Variants in CSTPP1 observed in about 807,000 individuals in gnomAD.
The protein encoded by CSTPP1 is UPF0705 protein C11orf49.
the CSTPP1 span, chr11:47,159,899 G>A: frequency 2.8e-6 from 1 of 352,682 alleles, no homozygotes; most frequent in Non-Finnish European, 5.6e-6. Flanking sequence ...TGCTACTGGG[G>A]AGGCTGAGAC....
the CSTPP1 span, among the ~76,000 whole-genome samples, chr11:47,099,527 G>A: frequency 6.6e-6 from 1 of 152,304 alleles, no homozygotes; most frequent in African/African-American, 2.4e-5. Context: ...TTTTCCTAAA[G>A]TTGTATTCAG....
chr11:47,086,508 G>C, the CSTPP1 span, among the ~76,000 whole-genome samples: 3 of 151,870 alleles, frequency 2.0e-5, no homozygotes, highest in Non-Finnish European at 4.4e-5. Flanking sequence ...GAGGAAGTAG[G>C]GGGTAAAGGG....
chr11:46,985,982 G>T, the CSTPP1 span, among the ~76,000 whole-genome samples: 1 of 152,172 alleles, frequency 6.6e-6, no homozygotes. Context: ...AGGAGTACTT[G>T]TTAAAAATTA....
At chr11:47,124,378 T>A in the CSTPP1 span, among the ~76,000 whole-genome samples, 1 of 151,990 alleles carries the variant, frequency 6.6e-6, no homozygotes, top group Admixed American at 6.6e-5. Context: ...CACCTCAGAC[T>A]CCCAAAGTGC....
At chr11:46,994,416 G>A in the CSTPP1 span, among the ~76,000 whole-genome samples, 1 of 152,096 alleles carries the variant, frequency 6.6e-6, no homozygotes, top group African/African-American at 2.4e-5. Flanking sequence ...CTGTGGGATT[G>A]TCATAAATAG....
At chr11:47,094,127 C>G in the CSTPP1 span, among the ~76,000 whole-genome samples, 1 of 152,120 alleles carries the variant, frequency 6.6e-6, no homozygotes, top group South Asian at 2.1e-4. Context: ...TTAGAATTAT[C>G]TATAAATAGA....
At chr11:47,007,010 T>G in the CSTPP1 span, among the ~76,000 whole-genome samples, 1 of 139,620 alleles carries the variant, frequency 7.2e-6, no homozygotes. Flanking sequence ...GGTTTTTTTT[T>G]TTTTTTTTTT....
chr11:47,087,017 T>C, the CSTPP1 span, among the ~76,000 whole-genome samples: 1 of 152,166 alleles, frequency 6.6e-6, no homozygotes, highest in Non-Finnish European at 1.5e-5. Flanking sequence ...CATGACATCC[T>C]TGCGAACAAG....
the CSTPP1 span, chr11:46,987,376 C>A: frequency 7.5e-7 from 1 of 1,325,376 alleles, no homozygotes; most frequent in Non-Finnish European, 1.1e-6. Flanking sequence ...AGGCAGGATA[C>A]TTGAGGAACA....
chr11:46,996,278 T>A, the CSTPP1 span, among the ~76,000 whole-genome samples: 1 of 151,350 alleles, frequency 6.6e-6, no homozygotes, highest in African/African-American at 2.4e-5. Context: ...CCCATTTACA[T>A]TTAAGGTTAA....
At chr11:47,072,698 T>C in the CSTPP1 span, among the ~76,000 whole-genome samples, 2 of 147,188 alleles carry the variant, frequency 1.4e-5, no homozygotes, top group African/African-American at 5.0e-5. Flanking sequence ...CACACACACA[T>C]ATATGGATAA....
the CSTPP1 span, among the ~76,000 whole-genome samples, chr11:46,946,514 C>T: frequency 1.3e-5 from 2 of 152,194 alleles, no homozygotes; most frequent in South Asian, 2.1e-4. Context: ...AAAAATTAGC[C>T]GGGCGTGGTG....
At chr11:47,029,034 G>A in the CSTPP1 span, among the ~76,000 whole-genome samples, 2 of 151,224 alleles carry the variant, frequency 1.3e-5, no homozygotes, top group Non-Finnish European at 2.9e-5. Context: ...TGGTAGAGAC[G>A]GGATTTCACT....
chr11:46,997,877 A>G, the CSTPP1 span, among the ~76,000 whole-genome samples: 1 of 152,120 alleles, frequency 6.6e-6, no homozygotes, highest in Non-Finnish European at 1.5e-5. Flanking sequence ...AGAACCGCAA[A>G]TATTGCAGAG....
At chr11:47,055,481 A>G in the CSTPP1 span, among the ~76,000 whole-genome samples, 11,886 of 151,854 alleles carry the variant, frequency 0.078, 487 homozygotes, top group Non-Finnish European at 0.089. Flanking sequence ...CTGCTACGAA[A>G]CTGTAACTTT....
chr11:47,101,920 G>A, the CSTPP1 span, among the ~76,000 whole-genome samples: 1 of 152,178 alleles, frequency 6.6e-6, no homozygotes, highest in East Asian at 1.9e-4. Flanking sequence ...AGAAACATCA[G>A]TGCCAATGAC....
At chr11:46,989,714 A>T in the CSTPP1 span, among the ~76,000 whole-genome samples, 1 of 151,988 alleles carries the variant, frequency 6.6e-6, no homozygotes, top group African/African-American at 2.4e-5. Context: ...CAGGGAATAC[A>T]TGTGCAGGTT....
chr11:46,998,375 G>GT, the CSTPP1 span, among the ~76,000 whole-genome samples: 2 of 152,094 alleles, frequency 1.3e-5, no homozygotes, highest in Admixed American at 6.5e-5. Context: ...AAAAAAAATC[G>GT]TAAGATTTTC....
the CSTPP1 span, among the ~76,000 whole-genome samples, chr11:47,013,442 C>T: frequency 6.6e-6 from 1 of 152,128 alleles, no homozygotes; most frequent in African/African-American, 2.4e-5. Flanking sequence ...TTGTTCCCAT[C>T]CCCATGTCCA....
Sources: allele counts gnomAD v4.1 joint callset (sites outside exome capture counted in the v4.1 genomes callset), GRCh38; gene constraint gnomAD v4.1.1; transcripts MANE v1.5; gene names NCBI Gene and HGNC (gene_info 2026-07-23, HGNC 2026-07-21).